The following FHL1 variants were observed in gnomAD, a reference collection of about 807,000 sequenced individuals.
FHL1 encodes four and a half LIM domains protein 1.
Under a neutral mutation model 20.3 loss-of-function variants are expected in FHL1, and 1 was observed. The observed-to-expected ratio is 0.05, with a 90% CI of 0.02 to 0.23. The LOEUF is 0.23. Ranked by LOEUF, FHL1 falls within the 10% of genes least tolerant of loss-of-function variation. The pLI, the probability that FHL1 is intolerant of heterozygous loss-of-function variation, is 1.00. For synonymous variants in FHL1, 82 were observed against 88.9 expected, an observed-to-expected ratio of 0.92 and a Z score of 0.44; for missense variants, 177 against 234.0, an observed-to-expected ratio of 0.76 and a Z score of 1.59.
At chrX:136,184,274 C>T (rs1169049211) in intron 2 of FHL1, among the ~76,000 whole-genome samples, 1 of 111,656 alleles carries the variant, frequency 9.0e-6, no homozygotes, top group African/African-American at 3.2e-5. Context: ...TATAACTAAC[C>T]TTGGCTTAAT....
In FHL1 at chrX:136,206,578, C is replaced by T. The variant is rs372301312; in HGVS notation, c.194C>T (p.Ala65Val). ...TCVECRKPIG[A>V]DSKEVHYKNR... is the part of the protein sequence containing the mutation. The stretch of plus-strand genomic sequence containing the variant: ...GTGGAATGCCGCAAGCCCATCGGTG[C>T]GGACTCCAAGGTAACGGGCATCCCC... The change falls in exon 2 of 6, where the codon GCG (alanine) becomes GTG (valine). Residue 65 changes from alanine to valine, a missense_variant. Ala to Val is a moderately conservative substitution (Grantham distance 64). Transcript: ENST00000370683. 4.1e-6 allele frequency: 5 copies of T among 1,211,391 alleles called. No individual in the cohort carries two copies. The highest frequency in any genetic ancestry group is 1.8e-5 in the South Asian group (1 of 56,909).
rs1308121758 is a variant in FHL1 at position 136,210,440 on chromosome X, GCTGCTCCAACTCA to G, written c.*422_*434del. ...CACACGACATGCAAGAGTTGCAGCG[GCTGCTCCAACTCA>G]CTGCTCACCCTCTTCTGTGAGCAGG... On this transcript the variant is annotated 3_prime_UTR_variant, in exon 6 of 6. Coordinates refer to ENST00000370683, the MANE Select transcript of FHL1 (RefSeq NM_001159699.2). 1.0e-5 allele frequency: 4 copies of G among 391,857 alleles called. No homozygotes were observed. Among genetic ancestry groups the G allele is most frequent in the Admixed American group, 5.9e-5 (2 of 34,136 alleles). 32.3% of individuals were successfully genotyped at this position (391,857 alleles called of 1,213,427 possible). A position where few individuals can be genotyped will look rare whatever the true frequency, so the allele number is the denominator to read the frequency against.
chrX:136,211,108 A>G lies in FHL1; in HGVS notation c.*1083A>G, dbSNP rs951638410. ...TTGTGATTCCTAGGACTTTTCCTCA[A>G]GAGGAAATCTGGATTTCCACCTACC... On this transcript the variant is annotated 3_prime_UTR_variant, in exon 6 of 6. Coordinates refer to ENST00000370683, the MANE Select transcript of FHL1 (RefSeq NM_001159699.2). 3 of 374,379 alleles carry G rather than the reference A, an allele frequency of 8.0e-6. No individual in the cohort carries two copies. The highest frequency in any genetic ancestry group is 5.0e-5 in the African/African-American group (2 of 39,933). 30.9% of individuals were successfully genotyped at this position (374,379 alleles called of 1,213,427 possible).
intron 2 of FHL1, among the ~76,000 whole-genome samples, chrX:136,179,201 G>C (rs1603255862): frequency 8.9e-6 from 1 of 112,109 alleles, no homozygotes; most frequent in African/African-American, 3.2e-5. Context: ...AGCGTGCACA[G>C]GCATAGGGAT....
At chrX:136,162,282 G>A (rs1274361414) in intron 1 of FHL1, among the ~76,000 whole-genome samples, 3 of 111,050 alleles carry the variant, frequency 2.7e-5, no homozygotes, top group African/African-American at 9.8e-5. Flanking sequence ...CCTAGCCTGA[G>A]TTCTGCCACT....
At chrX:136,146,799 C>T (rs1308826815), upstream of FHL1, 3 of 329,310 alleles carry the variant, frequency 9.1e-6, no homozygotes, top group South Asian at 7.8e-5. Flanking sequence ...CGCCACGCGC[C>T]GCTTTGCCAT....
chrX:136,170,871 CCA>C (rs2072847331), intron 2 of FHL1, among the ~76,000 whole-genome samples: 2 of 111,478 alleles, frequency 1.8e-5, no homozygotes, highest in Admixed American at 1.9e-4. Context: ...CTGCATGCAG[CCA>C]CATGGTCAGT....
In FHL1 at chrX:136,163,366, A is replaced by G. The variant is rs147963886; in HGVS notation, c.-100-6541A>G. Reference sequence around the variant, plus strand: ...AAAGCCAGAGGCTTGAATTTCACTCAAAGAAACTTGGCCTTTAGATTACAA... The same window carrying G: ...AAAGCCAGAGGCTTGAATTTCACTCGAAGAAACTTGGCCTTTAGATTACAA... On this transcript the variant is annotated intron_variant, in intron 1 of 7. Transcript: ENST00000394155. Among the ~76,000 whole-genome samples the G allele has an allele frequency of 5.3e-3, 595 of 112,273 alleles. 1 individual carries two copies. Among genetic ancestry groups the G allele is most frequent in the Non-Finnish European group, 7.2e-3 (382 of 53,255 alleles).
At chrX:136,203,740 G>T (rs2073773271) in intron 1 of FHL1, among the ~76,000 whole-genome samples, 1 of 111,968 alleles carries the variant, frequency 8.9e-6, no homozygotes, top group African/African-American at 3.2e-5. Flanking sequence ...TGGCAGTTAA[G>T]ATCTCTCAGG....
chrX:136,206,424 G>T lies in FHL1; in HGVS notation c.40G>T (p.Val14Leu). The T allele has an allele frequency of 2.5e-6, 3 of 1,212,179 alleles. No homozygotes were observed. The highest frequency in any genetic ancestry group is 3.3e-6 in the Non-Finnish European group (3 of 895,630). The change falls in exon 2 of 6, where the codon GTG becomes TTG. Residue 14 changes from valine (V) to leucine (L), a missense_variant. Physicochemically the swap from Val to Leu is conservative, Grantham distance 32 (BLOSUM62 1). Transcript: ENST00000370683. ...CCCCGCAGGTCCCTCCAGCTACAAGGTGGGCACCATGGCGGAGAAGTTTGA... is the reference window on the plus strand; with the variant it reads ...CCCCGCAGGTCCCTCCAGCTACAAGTTGGGCACCATGGCGGAGAAGTTTGA... ...HRHSGPSSYK[V>L]GTMAEKFDCH... is the part of the protein sequence containing the mutation.
chrX:136,167,768 AG>A (rs1262597110), upstream of FHL1: 2 of 111,241 alleles, frequency 1.8e-5, no homozygotes, highest in Non-Finnish European at 3.8e-5. Flanking sequence ...AATCTTAGGA[AG>A]GAAGTGATTC....
In FHL1 at chrX:136,211,313, G is replaced by A. The variant is rs1221272461; in HGVS notation, c.*1288G>A. 1.7e-5 allele frequency: 5 copies of A among 301,194 alleles called. No individual in the cohort carries two copies. The East Asian group carries it at 2.1e-4, about 12-fold the overall frequency. The allele number at this position is 301,194 out of a possible 1,213,427, so 24.8% of individuals were successfully genotyped here. A position where few individuals can be genotyped will look rare whatever the true frequency, so the allele number is the denominator to read the frequency against. ...CTGTCATTAGCTATTATCATCTAAC[G>A]TTTCAGTGTATCCTTACAGAAATAA... On this transcript the variant is annotated 3_prime_UTR_variant, in exon 6 of 6. Coordinates refer to ENST00000370683, the MANE Select transcript of FHL1 (RefSeq NM_001159699.2).
At chrX:136,155,203 A>G (rs776902163) in intron 1 of FHL1, among the ~76,000 whole-genome samples, 26 of 110,645 alleles carry the variant, frequency 2.3e-4, no homozygotes, top group African/African-American at 8.6e-4. Flanking sequence ...ATATCCTTCT[A>G]TCACATTCAT....
At position 136,211,335 on chromosome X, in the gene FHL1, A is replaced by G; in HGVS notation, c.*1310A>G. ...AACGTTTCAGTGTATCCTTACAGAA[A>G]TAAAGCAGCATATGAATAACCTGCC... On this transcript the variant is annotated 3_prime_UTR_variant, in exon 6 of 6. Coordinates refer to ENST00000370683, the MANE Select transcript of FHL1 (RefSeq NM_001159699.2). The G allele has an allele frequency of 3.5e-6, 1 of 288,071 alleles. No homozygotes were observed. Among genetic ancestry groups the G allele is most frequent in the South Asian group, 3.6e-5 (1 of 27,885 alleles). 23.7% of individuals were successfully genotyped at this position (288,071 alleles called of 1,213,427 possible).
upstream of FHL1, chrX:136,167,207 TTTTTG>T (rs1337489773): frequency 2.7e-5 from 3 of 111,373 alleles, no homozygotes; most frequent in Non-Finnish European, 3.8e-5. Context: ...ATGAGAGATT[TTTTTG>T]TTTTGTTTTT....
chrX:136,190,948 C>T (rs2148341199), intron 2 of FHL1, among the ~76,000 whole-genome samples: 1 of 111,304 alleles, frequency 9.0e-6, no homozygotes, highest in South Asian at 3.9e-4. Flanking sequence ...TTTTATGAAG[C>T]TGGAGACACC....
intron 1 of FHL1, among the ~76,000 whole-genome samples, chrX:136,199,863 A>T (rs7054060): frequency 0.026 from 2,909 of 112,467 alleles, 101 homozygotes; most frequent in African/African-American, 0.089. Context: ...GAGAAGATGA[A>T]CAATAGGAAG....
chrX:136,183,125 A>AAAC (rs1191915383), intron 2 of FHL1, among the ~76,000 whole-genome samples: 3 of 70,286 alleles, frequency 4.3e-5, no homozygotes, highest in African/African-American at 1.1e-4. Context: ...ACAAACAAAC[A>AAAC]AAAAAAAAAC....
intron 1 of FHL1, 126 bp downstream of exon 1, chrX:136,197,260 A>G (rs2073581079): frequency 1.6e-6 from 1 of 627,610 alleles, no homozygotes; most frequent in Non-Finnish European, 2.5e-6. Context: ...AATAAATTAT[A>G]GCTTGTCTCT....
Sources: gnomAD v4.1 joint callset for allele counts (sites outside exome capture counted in the v4.1 genomes callset) on GRCh38, gnomAD v4.1.1 for gene constraint, MANE v1.5 for transcripts, NCBI Gene and HGNC (gene_info 2026-07-23, HGNC 2026-07-21) for gene names.